Variants in SNTG2 observed in about 807,000 individuals in gnomAD.
The protein encoded by SNTG2 is gamma-2-syntrophin.
SNTG2 carries 74 observed loss-of-function variants against 70.9 expected under a neutral mutation model. That is an observed-to-expected ratio of 1.04 (90% CI 0.86 to 1.27). SNTG2 has a LOEUF of 1.27. Among genes scored for constraint, SNTG2 ranks in the 50% most tolerant of loss-of-function variants. The pLI is 0.00. For synonymous variants in SNTG2, 278 were observed against 273.8 expected (o/e 1.02, Z -0.15); for missense variants, 717 against 690.7 (o/e 1.04, Z -0.43).
At chr2:990,178 A>G (rs1572197741) in intron 1 of SNTG2, among the ~76,000 whole-genome samples, 1 of 152,250 alleles carries the variant, frequency 6.6e-6, no homozygotes, top group African/African-American at 2.4e-5. Flanking sequence ...TCTCACTGCC[A>G]TCAGAGGGGC....
chr2:1,276,180 A>T (rs1318276181), intron 14 of SNTG2, among the ~76,000 whole-genome samples: 3 of 152,250 alleles, frequency 2.0e-5, no homozygotes, highest in Non-Finnish European at 4.4e-5. Context: ...TCTCCAGAAG[A>T]TCCAGCTAAC....
At chr2:994,676 A>G (rs540157224) in intron 1 of SNTG2, among the ~76,000 whole-genome samples, 1 of 152,104 alleles carries the variant, frequency 6.6e-6, no homozygotes, top group South Asian at 2.1e-4. Flanking sequence ...TATTGCCTTC[A>G]ATCCATGAAC....
chr2:1,101,723 C>T (rs1263460638), intron 4 of SNTG2, among the ~76,000 whole-genome samples: 1 of 152,184 alleles, frequency 6.6e-6, no homozygotes. Flanking sequence ...GCGGGGTGAT[C>T]AGTTAGAACT....
At chr2:1,039,848 T>TG (rs1661334052) in intron 1 of SNTG2, among the ~76,000 whole-genome samples, 1 of 152,156 alleles carries the variant, frequency 6.6e-6, no homozygotes, top group African/African-American at 2.4e-5. Flanking sequence ...GGAAGGGTTG[T>TG]GGGGGACCTG....
chr2:1,069,518 C>T (rs1235756311), intron 1 of SNTG2, among the ~76,000 whole-genome samples: 1 of 150,818 alleles, frequency 6.6e-6, no homozygotes, highest in Non-Finnish European at 1.5e-5. Flanking sequence ...ACAGGCTGGG[C>T]GCAGTGGCTC....
At chr2:1,152,051 ATTTTG>A (rs985894656) in intron 6 of SNTG2, among the ~76,000 whole-genome samples, 12 of 152,306 alleles carry the variant, frequency 7.9e-5, no homozygotes, top group African/African-American at 1.7e-4. Context: ...ACATAATAGA[ATTTTG>A]TTTTGTTTTG....
At chr2:963,484 A>G (rs1438159377) in intron 1 of SNTG2, among the ~76,000 whole-genome samples, 1 of 152,224 alleles carries the variant, frequency 6.6e-6, no homozygotes, top group East Asian at 1.9e-4. Context: ...TATGTAAATG[A>G]GGTGACCAGG....
intron 1 of SNTG2, among the ~76,000 whole-genome samples, chr2:1,079,073 A>G (rs1392924798): frequency 3.3e-5 from 5 of 152,276 alleles, no homozygotes; most frequent in African/African-American, 1.2e-4. Context: ...AAGGAAATGT[A>G]TTCAATTAGC....
intron 1 of SNTG2, among the ~76,000 whole-genome samples, chr2:952,753 A>G (rs1400789472): frequency 6.6e-6 from 1 of 152,226 alleles, no homozygotes; most frequent in East Asian, 1.9e-4. Flanking sequence ...GTAATTAGGT[A>G]TGTGCTAAGC....
intron 14 of SNTG2, among the ~76,000 whole-genome samples, chr2:1,297,040 A>G (rs2148229937): frequency 6.6e-6 from 1 of 152,134 alleles, no homozygotes; most frequent in Non-Finnish European, 1.5e-5. Flanking sequence ...TGTGCTGGGG[A>G]TGTTTCAGGG....
intron 12 of SNTG2, among the ~76,000 whole-genome samples, chr2:1,257,265 C>T (rs1678172686): frequency 6.6e-6 from 1 of 152,182 alleles, no homozygotes; most frequent in African/African-American, 2.4e-5. Flanking sequence ...GATCGAGGCA[C>T]ATTCTCTTCC....
At chr2:1,364,173 C>T (rs1479916930) in intron 16 of SNTG2, among the ~76,000 whole-genome samples, 185 of 146,616 alleles carry the variant, frequency 1.3e-3, no homozygotes, top group Non-Finnish European at 1.7e-3. Context: ...GTAGGGACAG[C>T]ATTTCACCAT....
chr2:1,132,163 CTTAT>C (rs904589770), intron 4 of SNTG2, among the ~76,000 whole-genome samples: 9 of 150,922 alleles, frequency 6.0e-5, no homozygotes, highest in African/African-American at 2.0e-4. Context: ...AAAATTAGAG[CTTAT>C]TTAATCAGAT....
chr2:1,127,455 G>A (rs1423949661), intron 4 of SNTG2, among the ~76,000 whole-genome samples: 6 of 151,986 alleles, frequency 3.9e-5, no homozygotes, highest in African/African-American at 7.2e-5. Context: ...GTAGTTCTGC[G>A]CAAATTTTAC....
intron 6 of SNTG2, among the ~76,000 whole-genome samples, chr2:1,162,006 G>A (rs192568475): frequency 0.019 from 2,842 of 147,910 alleles, 48 homozygotes; most frequent in Non-Finnish European, 0.026. Context: ...CCCGGGAGGC[G>A]GAGCTTGCAG....
At chr2:1,352,455 T>TCC in intron 16 of SNTG2, among the ~76,000 whole-genome samples, 1 of 152,252 alleles carries the variant, frequency 6.6e-6, no homozygotes, top group South Asian at 2.1e-4. Flanking sequence ...TGTGCAGGCC[T>TCC]CCTCCTAGCA....
intron 15 of SNTG2, among the ~76,000 whole-genome samples, chr2:1,313,803 G>A (rs1252495639): frequency 1.3e-5 from 2 of 152,258 alleles, no homozygotes; most frequent in East Asian, 3.9e-4. Flanking sequence ...CCAACCCAGA[G>A]AAGCTGACGA....
At chr2:1,267,261 G>A (rs796349578) in intron 13 of SNTG2, 104 bp from the exon 14 acceptor site, 55 of 1,094,548 alleles carry the variant, frequency 5.0e-5, no homozygotes, top group Middle Eastern at 2.9e-4. Context: ...CCAGGAGACC[G>A]TTTCCCAGAT....
At chr2:1,334,293 A>G (rs1659686089) in intron 16 of SNTG2, among the ~76,000 whole-genome samples, 1 of 152,212 alleles carries the variant, frequency 6.6e-6, no homozygotes, top group African/African-American at 2.4e-5. Context: ...GTTAAAAAAC[A>G]ATAGATGTCG....
Sources: gnomAD v4.1 joint callset for allele counts (sites outside exome capture counted in the v4.1 genomes callset) on GRCh38, gnomAD v4.1.1 for gene constraint, MANE v1.5 for transcripts, NCBI Gene and HGNC (gene_info 2026-07-23, HGNC 2026-07-21) for gene names.